Variants in KANK1 observed in about 807,000 individuals in gnomAD.
The protein encoded by KANK1 is KN motif and ankyrin repeat domains 1.
Under a neutral mutation model 106.2 loss-of-function variants are expected in KANK1, and 109 were observed. The observed-to-expected ratio is 1.03, with a 90% CI of 0.88 to 1.20. The LOEUF (loss-of-function observed/expected upper bound fraction) is 1.20, where lower values mean the gene tolerates loss of function less well. Ranked by LOEUF, KANK1 falls within the 50% of genes most tolerant of loss-of-function variation. The probability of loss-of-function intolerance (pLI) is 0.00; values close to 1 mark genes in which losing one functional copy is unlikely to be tolerated. For missense variants in KANK1, 2,399 were observed against 1,710.7 expected (o/e 1.40, Z -7.10); for synonymous variants, 873 against 652.2 (o/e 1.34, Z -5.16).
chr9:660,573 C>A (rs531672533), intron 1 of KANK1, among the ~76,000 whole-genome samples: 68 of 152,252 alleles, frequency 4.5e-4, no homozygotes, highest in African/African-American at 1.5e-3. Context: ...AAGTCTGAAA[C>A]AAAGCAATAC....
chr9:589,889 C>T (rs1824415231), intron 1 of KANK1, among the ~76,000 whole-genome samples: 2 of 152,066 alleles, frequency 1.3e-5, no homozygotes, highest in African/African-American at 4.8e-5. Flanking sequence ...CAGGAAGGAC[C>T]CAGATAAAAA....
intron 1 of KANK1, among the ~76,000 whole-genome samples, chr9:664,551 C>T (rs1413464094): frequency 6.6e-6 from 1 of 152,080 alleles, no homozygotes; most frequent in Non-Finnish European, 1.5e-5. Flanking sequence ...CCTGCCTTGG[C>T]CTCCACATTT....
chr9:650,705 A>C (rs1243786441), intron 1 of KANK1, among the ~76,000 whole-genome samples: 2 of 152,132 alleles, frequency 1.3e-5, no homozygotes, highest in East Asian at 1.9e-4. Context: ...GACCACCCAG[A>C]CTTGTAAAGC....
At chr9:634,376 T>C (rs1212795200) in intron 1 of KANK1, among the ~76,000 whole-genome samples, 1 of 152,176 alleles carries the variant, frequency 6.6e-6, no homozygotes, top group Non-Finnish European at 1.5e-5. Context: ...TGGCTCCCGG[T>C]GGGGTCACTC....
upstream of KANK1, among the ~76,000 whole-genome samples, chr9:501,162 A>C (rs1350706646): frequency 6.6e-6 from 1 of 152,220 alleles, no homozygotes; most frequent in Non-Finnish European, 1.5e-5. Context: ...AATATAAATG[A>C]AATTCTAGAC....
In KANK1 at chr9:713,464, G is replaced by A. The variant is rs761339445; in HGVS notation, c.2698G>A (p.Gly900Ser). ...GAAAACCAGTCTGGGTAAAATCACA[G>A]GTAGGTGGTACCCTGAGGACCTGGG... Reference protein sequence around the residue: ...FQKTSLGKITGNYLGYTCKCG... With the variant: ...FQKTSLGKITSNYLGYTCKCG... The change falls in exon 3 of 12, where the codon GGC becomes AGC. Residue 900 changes from glycine to serine, a missense_variant and splice_region_variant. Gly to Ser is a moderately conservative substitution (Grantham distance 56, BLOSUM62 0). Coordinates refer to ENST00000382297, the MANE Select transcript of KANK1 (RefSeq NM_015158.5). The A allele has an allele frequency of 1.9e-6, 3 of 1,578,050 alleles. No homozygotes were observed. The African/African-American group carries it at 4.1e-5, about 21-fold the overall frequency.
At chr9:584,412 A>G (rs1003488916) in intron 1 of KANK1, among the ~76,000 whole-genome samples, 1 of 152,208 alleles carries the variant, frequency 6.6e-6, no homozygotes, top group Admixed American at 6.5e-5. Context: ...ATGAACTTAC[A>G]GTAAAGAACA....
At chr9:524,982 CTTTTTTT>C (rs35377139) in intron 1 of KANK1, among the ~76,000 whole-genome samples, 39 of 91,952 alleles carry the variant, frequency 4.2e-4, no homozygotes, top group South Asian at 1.8e-3. Context: ...CTCTTGCTGC[CTTTTTTT>C]TTTTTTTTTT....
rs1389679277 is a variant in KANK1 at position 620,367 on chromosome 9, T to TA, written c.-83-56521dup. Among the ~76,000 whole-genome samples the TA allele has an allele frequency of 3.3e-5, 5 of 152,094 alleles. No homozygotes were observed. The East Asian group carries it at 5.8e-4, about 18-fold the overall frequency. On this transcript the variant is annotated intron_variant, in intron 1 of 11. Transcript: ENST00000382297. ...TTCTTGGGCCATAGTAAACAACACGTAATTCTTTGCGAGAAAAGCAAAATA... is the reference window on the plus strand; with the variant it reads ...TTCTTGGGCCATAGTAAACAACACGTAAATTCTTTGCGAGAAAAGCAAAATA...
chr9:581,691 T>G (rs1246275541), intron 1 of KANK1, among the ~76,000 whole-genome samples: 1 of 152,170 alleles, frequency 6.6e-6, no homozygotes, highest in East Asian at 1.9e-4. Flanking sequence ...ATTCTTGGAT[T>G]TCTTTCCCAT....
chr9:697,669 C>T (rs984595553), intron 2 of KANK1, among the ~76,000 whole-genome samples: 2 of 151,994 alleles, frequency 1.3e-5, no homozygotes, highest in Non-Finnish European at 2.9e-5. Context: ...GTTGGTATTC[C>T]TACATATTTA....
At chr9:515,187 T>C (rs1243814735) in intron 1 of KANK1, among the ~76,000 whole-genome samples, 1 of 151,082 alleles carries the variant, frequency 6.6e-6, no homozygotes, top group Non-Finnish European at 1.5e-5. Context: ...ACTAAAAAAA[T>C]ACAAAAGATT....
rs1825085624 is a variant in KANK1, at chr9:592,208, CTGAGAGCAAAGGT to C, written c.-83-84680_-83-84668del. On this transcript the variant is annotated intron_variant, in intron 1 of 11. Transcript: ENST00000382297. The stretch of plus-strand genomic sequence containing the variant: ...GCAGCCAAATTCTCTTACCTGGAGC[CTGAGAGCAAAGGT>C]TAGATAATAAGGGGATGTAAAGGAA... 2.6e-5 allele frequency among the ~76,000 whole-genome samples: 4 copies of C among 151,734 alleles called. No homozygotes were observed. The South Asian group carries it at 8.3e-4, about 31-fold the overall frequency.
chr9:739,607 T>C (rs73376606), intron 8 of KANK1, among the ~76,000 whole-genome samples: 309 of 152,312 alleles, frequency 2.0e-3, no homozygotes, highest in African/African-American at 7.0e-3. Flanking sequence ...AGAGTGATTG[T>C]TTAAACAGAA....
At chr9:662,299 C>G (rs1313030727) in intron 1 of KANK1, among the ~76,000 whole-genome samples, 1 of 152,154 alleles carries the variant, frequency 6.6e-6, no homozygotes, top group Admixed American at 6.5e-5. Flanking sequence ...CTACCAATGA[C>G]TTTCTTCACA....
intron 1 of KANK1, among the ~76,000 whole-genome samples, chr9:531,623 C>G (rs188758443): frequency 1.2e-4 from 19 of 152,292 alleles, no homozygotes; most frequent in African/African-American, 3.6e-4. Context: ...GGTCCAGTCT[C>G]AGGTGATGAA....
At chr9:579,450 C>G (rs550930836) in intron 1 of KANK1, among the ~76,000 whole-genome samples, 19 of 152,282 alleles carry the variant, frequency 1.2e-4, no homozygotes, top group African/African-American at 2.4e-4. Flanking sequence ...TGTGTGTTGT[C>G]CCTGCTTCTC....
intron 3 of KANK1, among the ~76,000 whole-genome samples, chr9:717,351 T>C (rs1297724031): frequency 6.6e-6 from 1 of 152,164 alleles, no homozygotes; most frequent in Non-Finnish European, 1.5e-5. Flanking sequence ...AGTTAAAGCC[T>C]CCCTGGCACA....
chr9:524,490 C>G (rs1470020682), intron 1 of KANK1, among the ~76,000 whole-genome samples: 17 of 151,648 alleles, frequency 1.1e-4, no homozygotes, highest in Admixed American at 1.1e-3. Context: ...ACCATTGTTT[C>G]AAGTAGTATG....
Sources: allele counts gnomAD v4.1 joint callset (sites outside exome capture counted in the v4.1 genomes callset), GRCh38; gene constraint gnomAD v4.1.1; transcripts MANE v1.5; gene names NCBI Gene and HGNC (gene_info 2026-07-23, HGNC 2026-07-21).